Variants in MCPH1 observed in about 807,000 individuals in gnomAD.
MCPH1 encodes the protein microcephalin 1.
MCPH1 carries 104 observed loss-of-function variants against 84.5 expected under a neutral mutation model. That is an observed-to-expected ratio of 1.23 (90% CI 1.05 to 1.45). The LOEUF is 1.45. MCPH1 is among the 40% of genes most tolerant of loss of function. The pLI, the probability that MCPH1 is intolerant of heterozygous loss-of-function variation, is 0.00. For missense variants in MCPH1, 1,498 were observed against 1,005.7 expected, an observed-to-expected ratio of 1.49 and a Z score of -6.62; for synonymous variants, 514 against 366.8, an observed-to-expected ratio of 1.40 and a Z score of -4.58.
In MCPH1 at chr8:6,645,994, T is replaced by C. The variant is rs1798199741; in HGVS notation, c.*2945T>C. The C allele has an allele frequency of 6.6e-6, 1 of 152,236 alleles. No individual in the cohort carries two copies. The highest frequency in any genetic ancestry group is 2.4e-5 in the African/African-American group (1 of 41,458). The allele number at this position is 152,236 out of a possible 1,614,324, so 9.4% of individuals were successfully genotyped here. The stretch of plus-strand genomic sequence containing the variant: ...ATCCATTAAAATCTCAGATGGCTTT[T>C]TATAGAATTTGAAAAGCTGATGCTA... On this transcript the variant is annotated 3_prime_UTR_variant, in exon 14 of 14. Transcript: ENST00000344683.
intron 12 of MCPH1, among the ~76,000 whole-genome samples, chr8:6,555,807 C>T (rs1824509260): frequency 6.6e-6 from 1 of 152,154 alleles, no homozygotes. Context: ...ATAGTTGTAC[C>T]AATTATACCA....
chr8:6,428,206 C>T (rs956051625), intron 3 of MCPH1, among the ~76,000 whole-genome samples: 1 of 151,650 alleles, frequency 6.6e-6, no homozygotes, highest in African/African-American at 2.4e-5. Flanking sequence ...TATAAAAATA[C>T]CTTATATCTT....
At chr8:6,506,841 T>C (rs1435138143) in intron 12 of MCPH1, among the ~76,000 whole-genome samples, 1 of 151,842 alleles carries the variant, frequency 6.6e-6, no homozygotes, top group Non-Finnish European at 1.5e-5. Context: ...TTTAAAGACA[T>C]GAAAATTACT....
At chr8:6,594,520 T>C (rs1418046716) in intron 12 of MCPH1, among the ~76,000 whole-genome samples, 3 of 152,250 alleles carry the variant, frequency 2.0e-5, no homozygotes, top group Non-Finnish European at 4.4e-5. Context: ...CAGTGAATTC[T>C]GAAACAGTGA....
chr8:6,417,921 G>T (rs200776974), intron 3 of MCPH1, among the ~76,000 whole-genome samples: 2 of 152,118 alleles, frequency 1.3e-5, no homozygotes, highest in Admixed American at 1.3e-4. Context: ...TTCTATTGTC[G>T]CAAAGAGCAT....
intron 12 of MCPH1, chr8:6,503,247 C>T (rs1012164303): frequency 1.2e-6 from 2 of 1,614,006 alleles, no homozygotes; most frequent in Admixed American, 1.7e-5. Flanking sequence ...GGACCACATG[C>T]ATCAAACCAC....
At chr8:6,542,839 T>C (rs1271595080) in intron 12 of MCPH1, among the ~76,000 whole-genome samples, 2 of 152,144 alleles carry the variant, frequency 1.3e-5, no homozygotes, top group African/African-American at 4.8e-5. Flanking sequence ...TTGGTCACAA[T>C]GACTATCCTA....
intron 9 of MCPH1, among the ~76,000 whole-genome samples, chr8:6,462,414 T>G (rs1806389218): frequency 6.6e-6 from 1 of 152,228 alleles, no homozygotes; most frequent in Non-Finnish European, 1.5e-5. Flanking sequence ...TGCATTAATT[T>G]CCCTTTTACT....
At chr8:6,588,646 C>A (rs185574744) in intron 12 of MCPH1, among the ~76,000 whole-genome samples, 1 of 152,264 alleles carries the variant, frequency 6.6e-6, no homozygotes, top group African/African-American at 2.4e-5. Context: ...GCCACATCTC[C>A]GGGCTTCACC....
chr8:6,624,714 A>C (rs113356719), intron 13 of MCPH1, among the ~76,000 whole-genome samples: 1 of 152,168 alleles, frequency 6.6e-6, no homozygotes, highest in African/African-American at 2.4e-5. Flanking sequence ...ATTGAATTCC[A>C]ATCTGGTAGC....
chr8:6,536,213 G>A (rs921361205), intron 12 of MCPH1, among the ~76,000 whole-genome samples: 1 of 152,062 alleles, frequency 6.6e-6, no homozygotes, highest in Non-Finnish European at 1.5e-5. Flanking sequence ...AAACACTAGC[G>A]ACAGGAACAG....
chr8:6,504,025 T>A (rs1812728698), intron 12 of MCPH1, among the ~76,000 whole-genome samples: 2 of 152,060 alleles, frequency 1.3e-5, no homozygotes, highest in South Asian at 2.1e-4. Context: ...CTAGAAATAT[T>A]CTATAAGCAG....
At position 6,643,587 on chromosome 8, in the gene MCPH1, AGAG is replaced by A; in HGVS notation, c.*539_*541del. 1 of 166,806 alleles carries A rather than the reference AGAG, an allele frequency of 6.0e-6. No individual in the cohort carries two copies. Among genetic ancestry groups the A allele is most frequent in the Non-Finnish European group, 1.3e-5 (1 of 76,014 alleles). The allele number at this position is 166,806 out of a possible 1,614,324, so 10.3% of individuals were successfully genotyped here. ...GAAAGGTCACAGAACCTTTGTCATT[AGAG>A]CACAGTACTGCCAAATAAAGAATGG... On this transcript the variant is annotated 3_prime_UTR_variant, in exon 14 of 14. Coordinates refer to ENST00000344683, the MANE Select transcript of MCPH1 (RefSeq NM_024596.5).
chr8:6,487,518 T>A (rs1193217272), intron 11 of MCPH1, among the ~76,000 whole-genome samples: 3 of 152,266 alleles, frequency 2.0e-5, no homozygotes, highest in Non-Finnish European at 2.9e-5. Context: ...CTAAGTCTGT[T>A]CAAAAGGGAT....
chr8:6,625,652 C>A, intron 13 of MCPH1: 1 of 985,310 alleles, frequency 1.0e-6, no homozygotes, highest in Non-Finnish European at 1.2e-6. Context: ...GTAATTTGAG[C>A]CGGGCGTGGT....
chr8:6,575,875 G>A (rs1486590459), intron 12 of MCPH1, among the ~76,000 whole-genome samples: 1 of 152,136 alleles, frequency 6.6e-6, no homozygotes, highest in African/African-American at 2.4e-5. Context: ...CCAGCAGTTA[G>A]CAGAGAGGCC....
Position 6,420,175 on chromosome 8 carries a change from A to G in MCPH1, c.233+5292A>G, listed in dbSNP as rs530395782. 2.6e-5 allele frequency among the ~76,000 whole-genome samples: 4 copies of G among 151,920 alleles called. No homozygotes were observed. In the East Asian group the frequency reaches 7.7e-4, roughly 29 times the overall value. ...TGGTTCAAGGGCTGCCACTCCCCCC[A>G]GAACTGATGTTTTTCAGAGCCTGCC... On this transcript the variant is annotated intron_variant, in intron 3 of 13. Coordinates refer to ENST00000344683, the MANE Select transcript of MCPH1 (RefSeq NM_024596.5).
rs1009962594 is a variant in MCPH1, at chr8:6,510,242, G to C, written c.2214+10313G>C. 1.3e-4 allele frequency among the ~76,000 whole-genome samples: 20 copies of C among 151,660 alleles called. 1 individual carries two copies. The highest frequency in any genetic ancestry group is 1.5e-5 in the Non-Finnish European group (1 of 67,968). On this transcript the variant is annotated intron_variant, in intron 12 of 13. Transcript: ENST00000344683. ...TTGGCAGATGGTTCAGGACAGATCAGAGCAGGCATTCACGTAATGGGGTAT... is the reference window on the plus strand; with the variant it reads ...TTGGCAGATGGTTCAGGACAGATCACAGCAGGCATTCACGTAATGGGGTAT...
chr8:6,470,659 A>C (rs774475489), intron 9 of MCPH1, among the ~76,000 whole-genome samples: 4 of 152,252 alleles, frequency 2.6e-5, no homozygotes, highest in Non-Finnish European at 4.4e-5. Context: ...TGTTTCATGA[A>C]TACAAGTAAA....
Sources: gnomAD v4.1 joint callset for allele counts (sites outside exome capture counted in the v4.1 genomes callset) on GRCh38, gnomAD v4.1.1 for gene constraint, MANE v1.5 for transcripts, NCBI Gene and HGNC (gene_info 2026-07-23, HGNC 2026-07-21) for gene names.